The following RSPO3 variants were observed in gnomAD, a reference collection of about 807,000 sequenced individuals.
RSPO3 encodes R-spondin-3.
Under a neutral mutation model 36.5 loss-of-function variants are expected in RSPO3, and 17 were observed. That is an observed-to-expected ratio of 0.47 (90% CI 0.32 to 0.70). The LOEUF (loss-of-function observed/expected upper bound fraction) is 0.70. RSPO3 is among the 30% of genes least tolerant of loss of function. The probability of loss-of-function intolerance (pLI) is 0.04; values close to 1 mark genes in which losing one functional copy is unlikely to be tolerated. For synonymous variants in RSPO3, 108 were observed against 107.0 expected, an observed-to-expected ratio of 1.01 and a Z score of -0.06; for missense variants, 294 against 322.5, an observed-to-expected ratio of 0.91 and a Z score of 0.68.
chr6:127,168,665 T>A (rs1440391003), intron 4 of RSPO3, among the ~76,000 whole-genome samples: 1 of 152,060 alleles, frequency 6.6e-6, no homozygotes, highest in Non-Finnish European at 1.5e-5. Context: ...AGACATGAAG[T>A]CCTTGCCCAT....
intron 1 of RSPO3, among the ~76,000 whole-genome samples, chr6:127,120,190 A>G (rs192083737): frequency 2.6e-5 from 4 of 152,156 alleles, no homozygotes; most frequent in South Asian, 4.1e-4. Flanking sequence ...GGCAGCCTCA[A>G]CCTGGGTTGG....
chr6:127,153,794 C>T (rs1774537186), intron 3 of RSPO3, among the ~76,000 whole-genome samples: 1 of 151,948 alleles, frequency 6.6e-6, no homozygotes, highest in African/African-American at 2.4e-5. Flanking sequence ...TTCTCATTTG[C>T]TTTTTTGGAG....
At chr6:127,144,484 T>C (rs1426317991) in intron 1 of RSPO3, among the ~76,000 whole-genome samples, 2 of 152,072 alleles carry the variant, frequency 1.3e-5, no homozygotes, top group East Asian at 3.9e-4. Flanking sequence ...ATTACCACAG[T>C]TAATTTAGCT....
chr6:127,145,401 C>A (rs1774363526), intron 1 of RSPO3, among the ~76,000 whole-genome samples: 1 of 152,126 alleles, frequency 6.6e-6, no homozygotes, highest in Non-Finnish European at 1.5e-5. Flanking sequence ...AATTTCCTTT[C>A]CAATTCAAAT....
At chr6:127,120,946 G>T (rs986023684) in intron 1 of RSPO3, among the ~76,000 whole-genome samples, 11 of 152,260 alleles carry the variant, frequency 7.2e-5, no homozygotes, top group African/African-American at 2.7e-4. Context: ...CGCGCCTGGC[G>T]GTCCCCGCCT....
At chr6:127,188,471 G>A (rs1000433588) in intron 4 of RSPO3, among the ~76,000 whole-genome samples, 4 of 151,580 alleles carry the variant, frequency 2.6e-5, no homozygotes, top group Middle Eastern at 3.4e-3. Context: ...TTAGTATTAA[G>A]TATAACAAAA....
intron 1 of RSPO3, among the ~76,000 whole-genome samples, chr6:127,120,326 G>C (rs901420343): frequency 6.6e-6 from 1 of 152,122 alleles, no homozygotes; most frequent in Non-Finnish European, 1.5e-5. Flanking sequence ...GAGTCCTTTC[G>C]CAGATCTCAG....
At chr6:127,158,318 T>C (rs1450872560) in intron 4 of RSPO3, among the ~76,000 whole-genome samples, 3 of 152,080 alleles carry the variant, frequency 2.0e-5, no homozygotes, top group Non-Finnish European at 4.4e-5. Flanking sequence ...TATGGATTAA[T>C]AAAATAAGAA....
chr6:127,155,413 G>A lies in RSPO3; in HGVS notation c.609G>A (p.Arg203=). 1.9e-6 allele frequency: 3 copies of A among 1,613,602 alleles called. No homozygotes were observed. Among genetic ancestry groups the A allele is most frequent in the South Asian group, 1.1e-5 (1 of 91,060 alleles). ...TNETRKCTVQ[R]KKCQKGERGK... ...AGACAAGAAAGTGTACAGTGCAAAG[G>A]AAGAAGTGTCAGAAGGGAGAACGAG... Residue 203 remains arginine, a synonymous_variant, in exon 4 of 5, where the codon AGG becomes AGA. Transcript: ENST00000356698.
chr6:127,165,019 GT>G (rs1289426929), intron 4 of RSPO3, among the ~76,000 whole-genome samples: 1 of 151,920 alleles, frequency 6.6e-6, no homozygotes, highest in Non-Finnish European at 1.5e-5. Flanking sequence ...TTACTTTTGC[GT>G]TACATAAAAT....
intron 1 of RSPO3, among the ~76,000 whole-genome samples, chr6:127,123,902 T>C (rs1456794134): frequency 6.6e-6 from 1 of 152,096 alleles, no homozygotes; most frequent in African/African-American, 2.4e-5. Context: ...CCAGTTATTA[T>C]GGGGAAACCC....
At chr6:127,140,433 G>C (rs1049344285) in intron 1 of RSPO3, among the ~76,000 whole-genome samples, 4 of 151,858 alleles carry the variant, frequency 2.6e-5, no homozygotes, top group Admixed American at 6.6e-5. Flanking sequence ...GAGGAGAAAC[G>C]AGATAGTCCC....
Position 127,198,668 on chromosome 6 carries a change from T to C in RSPO3, c.*2661T>C, listed in dbSNP as rs1042860139. ...GCTTCATAATTAAGGGAAGGCCTGT[T>C]TTCTATCCTCAGATTTAGGTTCTAG... On this transcript the variant is annotated 3_prime_UTR_variant, in exon 5 of 5. Transcript: ENST00000356698. Among the ~76,000 whole-genome samples the C allele has an allele frequency of 6.6e-5, 10 of 152,216 alleles. 1 individual carries two copies. The highest frequency in any genetic ancestry group is 6.5e-4 in the Admixed American group (10 of 15,286).
chr6:127,176,333 C>T (rs947074550), intron 4 of RSPO3, among the ~76,000 whole-genome samples: 2 of 151,772 alleles, frequency 1.3e-5, no homozygotes, highest in African/African-American at 4.8e-5. Flanking sequence ...CAATTAATCT[C>T]AGAGTGGGAG....
intron 3 of RSPO3, 70 bp from the exon 4 acceptor site, chr6:127,155,171 C>CT: frequency 2.4e-5 from 36 of 1,493,954 alleles, no homozygotes; most frequent in Non-Finnish European, 3.3e-5. Flanking sequence ...GGAAGCAAAT[C>CT]TTTTTTTAAC....
Position 127,198,677 on chromosome 6 carries a change from T to G in RSPO3, c.*2670T>G, listed in dbSNP as rs1482781333. 1.3e-5 allele frequency among the ~76,000 whole-genome samples: 2 copies of G among 152,220 alleles called. No individual in the cohort carries two copies. The highest frequency in any genetic ancestry group is 4.8e-5 in the African/African-American group (2 of 41,462). ...TTAAGGGAAGGCCTGTTTTCTATCCTCAGATTTAGGTTCTAGTAGCAGTTG... is the reference window on the plus strand; with the variant it reads ...TTAAGGGAAGGCCTGTTTTCTATCCGCAGATTTAGGTTCTAGTAGCAGTTG... On this transcript the variant is annotated 3_prime_UTR_variant, in exon 5 of 5. Transcript: ENST00000356698.
chr6:127,175,113 A>C (rs1217121229), intron 4 of RSPO3, among the ~76,000 whole-genome samples: 1 of 151,802 alleles, frequency 6.6e-6, no homozygotes, highest in African/African-American at 2.4e-5. Flanking sequence ...AAAGCTTTCA[A>C]TGCTCATTCT....
chr6:127,148,626 C>G, intron 1 of RSPO3, 22 bp from the exon 2 acceptor site: 1 of 1,583,420 alleles, frequency 6.3e-7, no homozygotes, highest in Non-Finnish European at 8.6e-7. Flanking sequence ...TTTGTAATGT[C>G]TTTCTACATT....
At chr6:127,121,846 G>C (rs181176748) in intron 1 of RSPO3, among the ~76,000 whole-genome samples, 3 of 152,320 alleles carry the variant, frequency 2.0e-5, no homozygotes, top group African/African-American at 4.8e-5. Flanking sequence ...GTTTTCAAAA[G>C]AGGCTGGCTA....
Sources: gnomAD v4.1 joint callset for allele counts (sites outside exome capture counted in the v4.1 genomes callset) on GRCh38, gnomAD v4.1.1 for gene constraint, MANE v1.5 for transcripts, NCBI Gene and HGNC (gene_info 2026-07-23, HGNC 2026-07-21) for gene names.